MAN1C1: variants seen among roughly 807,000 people sequenced by gnomAD.
MAN1C1 encodes the protein mannosyl-oligosaccharide 1,2-alpha-mannosidase IC.
Under a neutral mutation model 71.5 loss-of-function variants are expected in MAN1C1, and 49 were observed. That is an observed-to-expected ratio of 0.69 (90% CI 0.54 to 0.87). MAN1C1 has a LOEUF of 0.87. Among genes scored for constraint, MAN1C1 ranks in the 40% least tolerant of loss-of-function variants. The pLI is 0.00. For synonymous variants in MAN1C1, 352 were observed against 343.7 expected (o/e 1.02, Z -0.27); for missense variants, 743 against 835.0 (o/e 0.89, Z 1.36).
chr1:25,686,421 A>T lies in MAN1C1; in HGVS notation c.541-19A>T, dbSNP rs763376924. On this transcript the variant is annotated intron_variant, in intron 1 of 11. Coordinates refer to ENST00000374332, the MANE Select transcript of MAN1C1 (RefSeq NM_020379.4). ...GAATCGTCACACTGAGGTTCTCTCT[A>T]TGCTGCTTTTTCTTGCAGATGATGC... The T allele has an allele frequency of 6.2e-7, 1 of 1,611,024 alleles. No individual in the cohort carries two copies. Among genetic ancestry groups the T allele is most frequent in the Admixed American group, 1.7e-5 (1 of 60,004 alleles).
intron 1 of MAN1C1, among the ~76,000 whole-genome samples, chr1:25,680,069 T>C (rs2046130089): frequency 6.6e-6 from 1 of 151,790 alleles, no homozygotes; most frequent in Admixed American, 6.6e-5. Flanking sequence ...TTAGTCATTT[T>C]ATTTCATTTT....
chr1:25,713,521 G>A lies in MAN1C1; in HGVS notation c.637+26985G>A, dbSNP rs536840996. Among the ~76,000 whole-genome samples the A allele has an allele frequency of 1.9e-4, 29 of 152,366 alleles. No individual in the cohort carries two copies. The South Asian group carries it at 6.0e-3, about 32-fold the overall frequency. On this transcript the variant is annotated intron_variant, in intron 2 of 11. Transcript: ENST00000374332. ...TGAAACAGATAAGCAGGACACGACA[G>A]TGCACAATCTAGGCACAGGCTCTTG...
At chr1:25,734,189 C>T (rs1572182214) in intron 2 of MAN1C1, among the ~76,000 whole-genome samples, 1 of 152,082 alleles carries the variant, frequency 6.6e-6, no homozygotes, top group Non-Finnish European at 1.5e-5. Context: ...AGTGCAGTAG[C>T]GCAATCACGG....
intron 2 of MAN1C1, among the ~76,000 whole-genome samples, chr1:25,716,939 T>A (rs2124264203): frequency 6.6e-6 from 1 of 152,322 alleles, no homozygotes; most frequent in African/African-American, 2.4e-5. Flanking sequence ...TATTCTTGTG[T>A]CTGGTTCCTT....
intron 2 of MAN1C1, among the ~76,000 whole-genome samples, chr1:25,699,744 A>G (rs373172290): frequency 2.6e-5 from 4 of 152,224 alleles, no homozygotes; most frequent in East Asian, 3.8e-4. Context: ...GCAGCCAGGC[A>G]GACAGCAGGG....
chr1:25,764,698 G>A lies in MAN1C1; in HGVS notation c.1141+731G>A, dbSNP rs2047405461. Reference sequence around the variant, plus strand: ...CTCCCAAAGTGCTGGGATTACAGGCGTGAGCCACCACGCCTGGCTCCAACT... The same window carrying A: ...CTCCCAAAGTGCTGGGATTACAGGCATGAGCCACCACGCCTGGCTCCAACT... On this transcript the variant is annotated intron_variant, in intron 7 of 11. Transcript: ENST00000374332. This position sits in a 1 kb window ranked among gnomAD's most constrained non-coding sequence, Gnocchi z 4.4. Among the ~76,000 whole-genome samples the A allele has an allele frequency of 6.6e-6, 1 of 152,020 alleles. No homozygotes were observed. Among genetic ancestry groups the A allele is most frequent in the Non-Finnish European group, 1.5e-5 (1 of 68,002 alleles).
Position 25,665,524 on chromosome 1 carries a change from A to T in MAN1C1, c.541-20916A>T, listed in dbSNP as rs932167848. On this transcript the variant is annotated intron_variant, in intron 1 of 11. Transcript: ENST00000374332. ...AGCTGCATTCTGCCATCATCTTTGGATAACGCTGTGTCCCATTACAGACCA... is the reference window on the plus strand; with the variant it reads ...AGCTGCATTCTGCCATCATCTTTGGTTAACGCTGTGTCCCATTACAGACCA... 4.6e-5 allele frequency among the ~76,000 whole-genome samples: 7 copies of T among 152,146 alleles called. No homozygotes were observed. The South Asian group carries it at 1.4e-3, about 32-fold the overall frequency.
chr1:25,705,599 G>A (rs960884025), intron 2 of MAN1C1, among the ~76,000 whole-genome samples: 2 of 152,220 alleles, frequency 1.3e-5, no homozygotes, highest in Admixed American at 6.5e-5. Context: ...TTTTAGAACA[G>A]GACTAGCTAA....
Position 25,618,049 on chromosome 1 carries a change from G to C in MAN1C1, c.252G>C (p.Pro84=). 1 of 1,566,014 alleles carries C rather than the reference G, an allele frequency of 6.4e-7. No individual in the cohort carries two copies. The highest frequency in any genetic ancestry group is 1.4e-5 in the African/African-American group (1 of 71,816). The change falls in exon 1 of 12, where the codon CCG becomes CCC. Residue 84 remains proline (P), a synonymous_variant. Coordinates refer to ENST00000374332, the MANE Select transcript of MAN1C1 (RefSeq NM_020379.4). ...GCGAGCAGGAGCCGCCTCCCAACCC[G>C]GCCCCCGCCGCGCCGGCCCCGGGCG... The part of the protein sequence containing the change: ...PAREQEPPPN[P]APAAPAPGED...
At chr1:25,722,607 T>G (rs943858457) in intron 2 of MAN1C1, among the ~76,000 whole-genome samples, 1 of 152,262 alleles carries the variant, frequency 6.6e-6, no homozygotes, top group African/African-American at 2.4e-5. Flanking sequence ...TGTTCTTGTC[T>G]CACAGACGCA....
intron 2 of MAN1C1, among the ~76,000 whole-genome samples, chr1:25,716,793 C>T (rs942802518): frequency 1.3e-5 from 2 of 152,318 alleles, no homozygotes; most frequent in South Asian, 2.1e-4. Context: ...AGGTACTGAA[C>T]ATTTTTATAT....
At chr1:25,724,571 G>C (rs2046809183) in intron 2 of MAN1C1, among the ~76,000 whole-genome samples, 1 of 152,166 alleles carries the variant, frequency 6.6e-6, no homozygotes, top group Non-Finnish European at 1.5e-5. Context: ...GCTGAAGTTA[G>C]CCACACGTGT....
intron 10 of MAN1C1, among the ~76,000 whole-genome samples, chr1:25,781,847 C>A (rs2047700074): frequency 6.6e-6 from 1 of 152,198 alleles, no homozygotes; most frequent in South Asian, 2.1e-4. Context: ...TATGCCCAGT[C>A]CATAGACCCC....
chr1:25,618,145 A>C lies in MAN1C1; in HGVS notation c.348A>C (p.Gly116=). 6.5e-7 allele frequency: 1 copy of C among 1,535,264 alleles called. No individual in the cohort carries two copies. Among genetic ancestry groups the C allele is most frequent in the Non-Finnish European group, 8.7e-7 (1 of 1,147,582 alleles). ...KGGLRRTRPT[G]PREEATAARG... is the part of the protein sequence containing the mutation. ...GGCTGCGGCGCACCCGCCCCACTGG[A>C]CCCCGCGAGGAGGCCACGGCGGCCC... Residue 116 remains glycine, a synonymous_variant, in exon 1 of 12, where the codon GGA becomes GGC. Coordinates refer to ENST00000374332, the MANE Select transcript of MAN1C1 (RefSeq NM_020379.4).
At chr1:25,681,251 G>T (rs1306228741) in intron 1 of MAN1C1, among the ~76,000 whole-genome samples, 1 of 150,858 alleles carries the variant, frequency 6.6e-6, no homozygotes, top group African/African-American at 2.4e-5. Context: ...GAAAAGAAAA[G>T]AAAAAGTAAA....
intron 3 of MAN1C1, 133 bp from the exon 4 acceptor site, chr1:25,749,122 C>G: frequency 1.6e-6 from 1 of 614,086 alleles, no homozygotes; most frequent in Non-Finnish European, 2.8e-6. Context: ...TTATGAAAAC[C>G]ATCGTCACCT....
chr1:25,699,628 G>A (rs1312905444), intron 2 of MAN1C1, among the ~76,000 whole-genome samples: 3 of 152,190 alleles, frequency 2.0e-5, no homozygotes, highest in Non-Finnish European at 4.4e-5. Context: ...CCATCACAGA[G>A]CGTGGGCGTC....
intron 1 of MAN1C1, among the ~76,000 whole-genome samples, chr1:25,664,710 A>G (rs2045897045): frequency 2.0e-5 from 3 of 152,334 alleles, no homozygotes; most frequent in Admixed American, 1.3e-4. Flanking sequence ...TTAGCAGACA[A>G]TGGAAGCATC....
At chr1:25,758,147 C>G (rs1044994569) in intron 5 of MAN1C1, among the ~76,000 whole-genome samples, 4 of 152,140 alleles carry the variant, frequency 2.6e-5, no homozygotes, top group Admixed American at 6.5e-5. Context: ...CATTTGCACC[C>G]GAATCACAGC....
Sources: gnomAD v4.1 joint callset for allele counts (sites outside exome capture counted in the v4.1 genomes callset) on GRCh38, gnomAD v4.1.1 for gene constraint, Gnocchi (gnomAD v3.1) non-coding constraint, MANE v1.5 for transcripts, NCBI Gene and HGNC (gene_info 2026-07-23, HGNC 2026-07-21) for gene names.